TBC1D24: variants seen among roughly 807,000 people sequenced by gnomAD.
The protein encoded by TBC1D24 is Infantile myoclonic epilepsy.
A neutral mutation model predicts 50.7 loss-of-function variants in TBC1D24; 47 were observed. The ratio of observed to expected loss-of-function variants is 0.93; its 90% CI spans 0.73 to 1.18. The LOEUF (loss-of-function observed/expected upper bound fraction) is 1.18. TBC1D24 is among the 50% of genes most tolerant of loss of function. The probability of loss-of-function intolerance (pLI) is 0.00; values close to 1 mark genes in which losing one functional copy is unlikely to be tolerated. For missense variants in TBC1D24, 688 were observed against 766.5 expected (o/e 0.90, Z 1.21); for synonymous variants, 324 against 335.2 (o/e 0.97, Z 0.36).
At chr16:2,492,315 G>A (rs952461855) in intron 1 of TBC1D24, among the ~76,000 whole-genome samples, 6 of 152,070 alleles carry the variant, frequency 3.9e-5, no homozygotes, top group African/African-American at 9.7e-5. Flanking sequence ...GCACGTCGCC[G>A]GACCATTCGC....
intron 1 of TBC1D24, among the ~76,000 whole-genome samples, chr16:2,492,721 C>T (rs1427376549): frequency 6.6e-6 from 1 of 152,180 alleles, no homozygotes; most frequent in Non-Finnish European, 1.5e-5. Context: ...CCTCCCAGGA[C>T]GAAGCAAACC....
chr16:2,480,496 G>C (rs1013229919), intron 1 of TBC1D24: 1 of 152,108 alleles, frequency 6.6e-6, no homozygotes, highest in South Asian at 2.1e-4. Flanking sequence ...TGAGGATACA[G>C]ATTTCCCACA....
chr16:2,504,414 C>CTTTTTTTTTT lies in TBC1D24; in HGVS notation c.*3469_*3478dup, dbSNP rs901354911. The CTTTTTTTTTT allele has an allele frequency of 9.5e-5, 12 of 125,660 alleles. No homozygotes were observed. The highest frequency in any genetic ancestry group is 3.7e-4 in the African/African-American group (11 of 29,986). The allele number at this position is 125,660 out of a possible 1,614,324, so 7.8% of individuals were successfully genotyped here. A position where few individuals can be genotyped will look rare whatever the true frequency, so the allele number is the denominator to read the frequency against. On this transcript the variant is annotated 3_prime_UTR_variant, in exon 8 of 8. Coordinates refer to ENST00000646147, the MANE Select transcript of TBC1D24 (RefSeq NM_001199107.2). ...AACCACAGGCCTATTGAGATTGTCCCTTTTTTTTTTTTTTTTTTTTTTGAG... is the reference window on the plus strand; with the variant it reads ...AACCACAGGCCTATTGAGATTGTCCCTTTTTTTTTTTTTTTTTTTTTTTTTTTTTTTTGAG...
intron 3 of TBC1D24, 90 bp from the exon 4 acceptor site, chr16:2,498,148 A>G: frequency 6.7e-7 from 1 of 1,496,878 alleles, no homozygotes; most frequent in East Asian, 2.5e-5. Context: ...CTCTGGGTTT[A>G]CTTCCAAAGA....
intron 1 of TBC1D24, among the ~76,000 whole-genome samples, chr16:2,488,997 G>A (rs1244931513): frequency 4.0e-5 from 6 of 149,838 alleles, no homozygotes; most frequent in Admixed American, 4.0e-4. Context: ...TTGAACCCGG[G>A]AGGCAGAGGT....
rs945244440 is a variant in TBC1D24 at position 2,487,171 on chromosome 16, C to G, written c.-115-8863C>G. 5.3e-5 allele frequency among the ~76,000 whole-genome samples: 8 copies of G among 152,244 alleles called. No individual in the cohort carries two copies. Among genetic ancestry groups the G allele is most frequent in the African/African-American group, 1.9e-4 (8 of 41,472 alleles). Reference sequence around the variant, plus strand: ...ATCTGAGGGGCACCGTCCCCACCCACAGGCTGCCTCCACACCTTTCCGCCC... The same window carrying G: ...ATCTGAGGGGCACCGTCCCCACCCAGAGGCTGCCTCCACACCTTTCCGCCC... On this transcript the variant is annotated intron_variant, in intron 1 of 7. Coordinates refer to ENST00000646147, the MANE Select transcript of TBC1D24 (RefSeq NM_001199107.2). This position sits in a 1 kb window ranked among gnomAD's most constrained non-coding sequence, Gnocchi z 4.1.
At position 2,500,254 on chromosome 16, in the gene TBC1D24, C is replaced by T. The variant is rs1211054848; in HGVS notation, c.1303-14C>T. On this transcript the variant is annotated splice_polypyrimidine_tract_variant and intron_variant, in intron 6 of 7. Transcript: ENST00000646147. This position sits in a 1 kb window ranked among gnomAD's most constrained non-coding sequence, Gnocchi z 8.0. ...ACGCCCGCGCCAGCTCCTCACACTC[C>T]CCTTCCACCCCAGCTGCAGCCTGAG... 10 of 1,588,660 alleles carry T rather than the reference C, an allele frequency of 6.3e-6. No homozygotes were observed. Among genetic ancestry groups the T allele is most frequent in the South Asian group, 1.1e-5 (1 of 87,172 alleles).
At chr16:2,498,599 T>C (rs1416517636) in intron 4 of TBC1D24, among the ~76,000 whole-genome samples, 1 of 152,156 alleles carries the variant, frequency 6.6e-6, no homozygotes, top group Non-Finnish European at 1.5e-5. Flanking sequence ...TGCCACAGCT[T>C]GGGGCCATGC....
Position 2,497,732 on chromosome 16 carries a change from G to A in TBC1D24, c.983+5G>A. On this transcript the variant is annotated splice_donor_5th_base_variant and intron_variant, in intron 3 of 7. Transcript: ENST00000646147. ...CAGTGTGTCACTTTCTAAAAGGTAG[G>A]TCTGAAACTGTATCTGCACACCTGG... 6.5e-7 allele frequency: 1 copy of A among 1,536,080 alleles called. No individual in the cohort carries two copies. The highest frequency in any genetic ancestry group is 8.7e-7 in the Non-Finnish European group (1 of 1,146,860).
Position 2,496,811 on chromosome 16 carries a change from C to G in TBC1D24, c.663C>G (p.Pro221=), listed in dbSNP as rs148670169. Residue 221 remains proline (P), a synonymous_variant, in exon 2 of 8, where the codon CCC becomes CCG. Coordinates refer to ENST00000646147, the MANE Select transcript of TBC1D24 (RefSeq NM_001199107.2). ...DWQRWLFGEL[P]LCYFARVFDV... ...AGCGCTGGCTGTTTGGGGAGCTGCC[C>G]CTCTGCTACTTCGCCCGGGTCTTTG... 1 of 1,614,026 alleles carries G rather than the reference C, an allele frequency of 6.2e-7. No homozygotes were observed. The highest frequency in any genetic ancestry group is 8.5e-7 in the Non-Finnish European group (1 of 1,180,046).
intron 1 of TBC1D24, among the ~76,000 whole-genome samples, chr16:2,494,411 CAAAA>C (rs1350473333): frequency 8.5e-6 from 1 of 117,940 alleles, no homozygotes; most frequent in Non-Finnish European, 1.8e-5. Flanking sequence ...GACTCTGTCT[CAAAA>C]AAAAAAAAAA....
intron 1 of TBC1D24, among the ~76,000 whole-genome samples, chr16:2,491,792 A>G (rs576185242): frequency 6.6e-6 from 1 of 152,008 alleles, no homozygotes; most frequent in Admixed American, 6.6e-5. Flanking sequence ...TAACCCTGTG[A>G]TCCACCTGCC....
Position 2,498,257 on chromosome 16 carries a change from G to A in TBC1D24, c.1003G>A (p.Val335Ile), listed in dbSNP as rs889668249. ...LSKRQFVHLA[V>I]HAENFRSEIV... is the part of the protein sequence containing the mutation. The stretch of plus-strand genomic sequence containing the variant: ...CCTCAGGCAGTTTGTACACTTGGCC[G>A]TCCATGCAGAGAACTTCCGCTCGGA... The change falls in exon 4 of 8, where the codon GTC (valine) becomes ATC (isoleucine). Residue 335 changes from valine to isoleucine, a missense_variant. Physicochemically the swap from Val to Ile is conservative, Grantham distance 29. Transcript: ENST00000646147. 9 of 1,610,484 alleles carry A rather than the reference G, an allele frequency of 5.6e-6. No individual in the cohort carries two copies. Among genetic ancestry groups the A allele is most frequent in the Non-Finnish European group, 6.8e-6 (8 of 1,178,364 alleles).
Position 2,501,688 on chromosome 16 carries a change from A to T in TBC1D24, c.*730A>T, listed in dbSNP as rs901495194. 3 of 152,580 alleles carry T rather than the reference A, an allele frequency of 2.0e-5. No individual in the cohort carries two copies. The highest frequency in any genetic ancestry group is 7.2e-5 in the African/African-American group (3 of 41,406). 9.5% of individuals were successfully genotyped at this position (152,580 alleles called of 1,614,324 possible). On this transcript the variant is annotated 3_prime_UTR_variant, in exon 8 of 8. Coordinates refer to ENST00000646147, the MANE Select transcript of TBC1D24 (RefSeq NM_001199107.2). ...AGGGTGGGAGCTGGAGGGGGATGTC[A>T]CATGTCCTTGTGTTTCTGCAGAGCC...
chr16:2,475,380 C>G lies in TBC1D24; in HGVS notation c.-116+210C>G, dbSNP rs1223319824. Among the ~76,000 whole-genome samples, 2 of 150,478 alleles carry G rather than the reference C, an allele frequency of 1.3e-5. No homozygotes were observed. The highest frequency in any genetic ancestry group is 2.4e-5 in the African/African-American group (1 of 41,094). ...GGCGCTGCAGCTGCGGCTTGGCCTA[C>G]GGGAGGGGGCGCAGGAGCGGGACCC... On this transcript the variant is annotated intron_variant, in intron 1 of 7. Transcript: ENST00000646147. The surrounding 1 kb of genome is among the most constrained non-coding windows in gnomAD (Gnocchi z 4.2).
At position 2,496,459 on chromosome 16, in the gene TBC1D24, A is replaced by G. The variant is rs1269660959; in HGVS notation, c.311A>G (p.Tyr104Cys). Residue 104 changes from tyrosine (Y) to cysteine (C), a missense_variant, in exon 2 of 8, where the codon TAC becomes TGC. Physicochemically the swap from Tyr to Cys is radical, Grantham distance 194. Transcript: ENST00000646147. ...GTGGACAACACGCAGGTGCCCAGCTACTGCCTGAATGCACGCGGCGAGGGG... is the reference window on the plus strand; with the variant it reads ...GTGGACAACACGCAGGTGCCCAGCTGCTGCCTGAATGCACGCGGCGAGGGG... ...EFVDNTQVPS[Y>C]CLNARGEGAV... 1 of 1,612,388 alleles carries G rather than the reference A, an allele frequency of 6.2e-7. No homozygotes were observed. Among genetic ancestry groups the G allele is most frequent in the Non-Finnish European group, 8.5e-7 (1 of 1,179,946 alleles).
chr16:2,496,546 C>G lies in TBC1D24; in HGVS notation c.398C>G (p.Ala133Gly). The change falls in exon 2 of 8, where the codon GCC (alanine) becomes GGC (glycine). Residue 133 changes from alanine to glycine, a missense_variant. By Grantham distance (60) the Ala-to-Gly change is moderately conservative. Transcript: ENST00000646147. ...NQFPDISFCP[A>G]LPAVVALLLH... ...TTCCCCGACATCTCCTTCTGCCCCG[C>G]CCTGCCGGCCGTGGTGGCCCTGCTG... The G allele has an allele frequency of 1.2e-6, 2 of 1,608,602 alleles. No homozygotes were observed. The highest frequency in any genetic ancestry group is 1.7e-6 in the Non-Finnish European group (2 of 1,179,982).
In TBC1D24 at chr16:2,496,550, G is replaced by C; in HGVS notation, c.402G>C (p.Leu134=). 6.2e-7 allele frequency: 1 copy of C among 1,608,514 alleles called. No homozygotes were observed. Among genetic ancestry groups the C allele is most frequent in the Non-Finnish European group, 8.5e-7 (1 of 1,179,994 alleles). Residue 134 remains leucine (L), a synonymous_variant, in exon 2 of 8, where the codon CTG becomes CTC. Transcript: ENST00000646147. ...CCGACATCTCCTTCTGCCCCGCCCTGCCGGCCGTGGTGGCCCTGCTGCTGC... is the reference window on the plus strand; with the variant it reads ...CCGACATCTCCTTCTGCCCCGCCCTCCCGGCCGTGGTGGCCCTGCTGCTGC... The part of the protein sequence containing the change: ...QFPDISFCPA[L]PAVVALLLHY...
intron 1 of TBC1D24, among the ~76,000 whole-genome samples, chr16:2,491,581 G>A (rs1023643671): frequency 6.7e-6 from 1 of 148,302 alleles, no homozygotes; most frequent in African/African-American, 2.5e-5. Context: ...TTGAGATGGA[G>A]TCTCACTCTG....
Sources: allele counts gnomAD v4.1 joint callset (sites outside exome capture counted in the v4.1 genomes callset), GRCh38; gene constraint gnomAD v4.1.1; non-coding constraint Gnocchi (gnomAD v3.1); transcripts MANE v1.5; gene names NCBI Gene and HGNC (gene_info 2026-07-23, HGNC 2026-07-21).